The following IMMP2L variants were observed in gnomAD, a reference collection of about 807,000 sequenced individuals.
The protein encoded by IMMP2L is mitochondrial inner membrane protease subunit 2.
Under a neutral mutation model 19.3 loss-of-function variants are expected in IMMP2L, and 18 were observed. That is an observed-to-expected ratio of 0.93 (90% CI 0.64 to 1.38). IMMP2L has a LOEUF of 1.38. Ranked by LOEUF, IMMP2L falls within the 40% of genes most tolerant of loss-of-function variation. The pLI, the probability that IMMP2L is intolerant of heterozygous loss-of-function variation, is 0.00. For synonymous variants in IMMP2L, 76 were observed against 73.0 expected (o/e 1.04, Z -0.21); for missense variants, 233 against 218.2 (o/e 1.07, Z -0.43).
At chr7:111,424,623 C>T (rs1224619467) in intron 3 of IMMP2L, among the ~76,000 whole-genome samples, 1 of 151,738 alleles carries the variant, frequency 6.6e-6, no homozygotes, top group Non-Finnish European at 1.5e-5. Context: ...TATAGCCATG[C>T]TACTTAAAAC....
At chr7:110,699,916 C>A (rs983061388) in intron 5 of IMMP2L, among the ~76,000 whole-genome samples, 2 of 152,044 alleles carry the variant, frequency 1.3e-5, no homozygotes, top group African/African-American at 4.8e-5. Context: ...ATGGTAAAGA[C>A]CTAAAGGCAG....
rs58711480 is a variant in IMMP2L at position 111,547,722 on chromosome 7, ATT to A, written c.-3+14127_-3+14128del. ...CCATGGGCACCACCACACCAGTCTA[ATT>A]TTTTTTTTTTTTTTGAGACAGGGTC... On this transcript the variant is annotated intron_variant, in intron 1 of 5. Coordinates refer to ENST00000405709, the MANE Select transcript of IMMP2L (RefSeq NM_032549.4). Among the ~76,000 whole-genome samples the A allele has an allele frequency of 5.4e-3, 739 of 138,038 alleles. 6 individuals are homozygous for A. Among genetic ancestry groups the A allele is most frequent in the African/African-American group, 0.01 (386 of 37,464 alleles). 90.6% of individuals were successfully genotyped at this position (138,038 alleles called of 152,430 possible).
chr7:111,367,213 A>T (rs553007832), intron 3 of IMMP2L, among the ~76,000 whole-genome samples: 3 of 152,032 alleles, frequency 2.0e-5, no homozygotes, highest in African/African-American at 7.2e-5. Flanking sequence ...TACGTTAGGA[A>T]ATATTACATC....
intron 5 of IMMP2L, among the ~76,000 whole-genome samples, chr7:110,684,811 T>C (rs1202923812): frequency 6.6e-6 from 1 of 152,022 alleles, no homozygotes; most frequent in Admixed American, 6.6e-5. Context: ...CAAAGTGGAA[T>C]GGAACAAGAT....
At chr7:111,421,005 TAATTTACAGTCCCACC>T (rs1835461933) in intron 3 of IMMP2L, among the ~76,000 whole-genome samples, 1 of 151,884 alleles carries the variant, frequency 6.6e-6, no homozygotes, top group Admixed American at 6.6e-5. Flanking sequence ...ATGGCAGAAC[TAATTTACAGTCCCACC>T]AACAGTGTAA....
chr7:111,347,595 G>A (rs1827701621), intron 3 of IMMP2L, among the ~76,000 whole-genome samples: 1 of 151,988 alleles, frequency 6.6e-6, no homozygotes, highest in Non-Finnish European at 1.5e-5. Flanking sequence ...AGGAACAGTA[G>A]GAAAGAGGGA....
At chr7:111,524,256 TATAA>T (rs1033367765) in intron 1 of IMMP2L, among the ~76,000 whole-genome samples, 8 of 151,798 alleles carry the variant, frequency 5.3e-5, no homozygotes, top group South Asian at 2.1e-4. Context: ...CCAAAATATA[TATAA>T]ATAAATAAAT....
intron 2 of IMMP2L, among the ~76,000 whole-genome samples, chr7:111,504,268 T>C (rs1844635857): frequency 6.6e-6 from 1 of 151,990 alleles, no homozygotes; most frequent in African/African-American, 2.4e-5. Context: ...TTACAAGGGA[T>C]GTGAAAGACC....
chr7:111,147,258 T>C (rs893204469), intron 3 of IMMP2L, among the ~76,000 whole-genome samples: 19 of 152,152 alleles, frequency 1.2e-4, no homozygotes, highest in Non-Finnish European at 2.6e-4. Flanking sequence ...AATTCAGTCC[T>C]ATACATTCAC....
Position 111,064,670 on chromosome 7 carries a change from C to G in IMMP2L, c.240-101105G>C, listed in dbSNP as rs185202085. Among the ~76,000 whole-genome samples the G allele has an allele frequency of 8.5e-5, 13 of 152,226 alleles. 1 individual carries two copies. The East Asian group carries it at 2.5e-3, about 29-fold the overall frequency. The stretch of plus-strand genomic sequence containing the variant: ...AATCCAGAGGGGGAAATGCTGCCAC[C>G]AGGAGGCACAACAATGATTCCATTA... On this transcript the variant is annotated intron_variant, in intron 3 of 5. Transcript: ENST00000405709.
chr7:111,164,748 T>C (rs1272881965), intron 3 of IMMP2L, among the ~76,000 whole-genome samples: 1 of 152,052 alleles, frequency 6.6e-6, no homozygotes, highest in Admixed American at 6.6e-5. Context: ...ATCTGTCAAG[T>C]TTTGAAGTCA....
intron 4 of IMMP2L, among the ~76,000 whole-genome samples, chr7:110,897,260 G>A (rs908037592): frequency 2.0e-5 from 3 of 152,228 alleles, no homozygotes; most frequent in Admixed American, 6.5e-5. Flanking sequence ...TCTATGGGGG[G>A]TAAATGTTGT....
At chr7:111,551,792 T>G (rs1790683375) in intron 1 of IMMP2L, among the ~76,000 whole-genome samples, 1 of 152,080 alleles carries the variant, frequency 6.6e-6, no homozygotes, top group African/African-American at 2.4e-5. Flanking sequence ...AAACACTGAT[T>G]AAGCACCAGT....
At chr7:111,507,716 T>C (rs905469545) in intron 2 of IMMP2L, among the ~76,000 whole-genome samples, 3 of 152,138 alleles carry the variant, frequency 2.0e-5, no homozygotes, top group African/African-American at 7.2e-5. Context: ...AACAAACCAC[T>C]CCAAAACTAT....
intron 5 of IMMP2L, among the ~76,000 whole-genome samples, chr7:110,880,600 C>T (rs1446026952): frequency 6.6e-6 from 1 of 151,884 alleles, no homozygotes; most frequent in East Asian, 1.9e-4. Context: ...ATGGGCGCCT[C>T]ATATTTTCCA....
chr7:110,806,168 C>A (rs1801618011), intron 5 of IMMP2L, among the ~76,000 whole-genome samples: 1 of 151,944 alleles, frequency 6.6e-6, no homozygotes, highest in Non-Finnish European at 1.5e-5. Flanking sequence ...AAAATCAGTA[C>A]AAAACCTATT....
intron 1 of IMMP2L, among the ~76,000 whole-genome samples, chr7:111,526,690 G>C (rs904526874): frequency 5.3e-5 from 8 of 152,108 alleles, no homozygotes; most frequent in African/African-American, 1.9e-4. Flanking sequence ...TGTTTATGTA[G>C]CCAGTGCAGG....
chr7:111,189,794 T>C (rs1197059529), intron 3 of IMMP2L, among the ~76,000 whole-genome samples: 2 of 152,088 alleles, frequency 1.3e-5, no homozygotes, highest in South Asian at 4.1e-4. Context: ...GCATGGGAAA[T>C]AGAGGGCTTA....
At chr7:111,153,631 A>G (rs2129603719) in intron 3 of IMMP2L, among the ~76,000 whole-genome samples, 1 of 152,208 alleles carries the variant, frequency 6.6e-6, no homozygotes, top group East Asian at 1.9e-4. Context: ...TAGTAAAAGT[A>G]TCTAAAATTG....
Sources: allele counts gnomAD v4.1 joint callset (sites outside exome capture counted in the v4.1 genomes callset), GRCh38; gene constraint gnomAD v4.1.1; transcripts MANE v1.5; gene names NCBI Gene and HGNC (gene_info 2026-07-23, HGNC 2026-07-21).